The following NBEA variants were observed in gnomAD, a reference collection of about 807,000 sequenced individuals.
NBEA encodes the protein lysosomal-trafficking regulator 2.
NBEA carries 44 observed loss-of-function variants against 343.4 expected under a neutral mutation model. That is an observed-to-expected ratio of 0.13 (90% CI 0.10 to 0.16). NBEA has a LOEUF of 0.16. Ranked by LOEUF, NBEA falls within the 10% of genes least tolerant of loss-of-function variation. NBEA has a pLI of 1.00. For synonymous variants in NBEA, 1,175 were observed against 1,238.7 expected (o/e 0.95, Z 1.08); for missense variants, 2,555 against 3,631.3 (o/e 0.70, Z 7.62).
chr13:35,082,566 T>C (rs1042055731), intron 10 of NBEA, among the ~76,000 whole-genome samples: 1 of 152,078 alleles, frequency 6.6e-6, no homozygotes, highest in African/African-American at 2.4e-5. Flanking sequence ...TCTCCACATC[T>C]TCTGCAGCAC....
At chr13:35,258,152 A>G (rs1371898015) in intron 34 of NBEA, among the ~76,000 whole-genome samples, 23 of 150,632 alleles carry the variant, frequency 1.5e-4, no homozygotes, top group Admixed American at 1.5e-3. Context: ...TGGGATTGTT[A>G]GCCACACAGT....
intron 48 of NBEA, among the ~76,000 whole-genome samples, chr13:35,620,158 T>A (rs974383959): frequency 5.9e-5 from 9 of 152,034 alleles, no homozygotes; most frequent in Admixed American, 2.6e-4. Flanking sequence ...TTTGCAAGGA[T>A]CCCTGCCGTC....
At chr13:35,253,621 C>T (rs2032237573) in intron 34 of NBEA, among the ~76,000 whole-genome samples, 1 of 152,130 alleles carries the variant, frequency 6.6e-6, no homozygotes, top group Non-Finnish European at 1.5e-5. Context: ...CCAACTATGA[C>T]CTAGCAGTCA....
intron 41 of NBEA, among the ~76,000 whole-genome samples, chr13:35,539,942 A>AAAAAAAAAAAAAAAT (rs1566289232): frequency 2.0e-5 from 3 of 147,700 alleles, no homozygotes; most frequent in Non-Finnish European, 4.5e-5. Context: ...AAAAAAAAAA[A>AAAAAAAAAAAAAAAT]GTGCACTAGT....
Position 35,232,639 on chromosome 13 carries a change from A to G in NBEA, c.5776+20A>G. The G allele has an allele frequency of 6.9e-7, 1 of 1,442,338 alleles. No homozygotes were observed. Among genetic ancestry groups the G allele is most frequent in the Non-Finnish European group, 9.3e-7 (1 of 1,080,384 alleles). The allele number at this position is 1,442,338 out of a possible 1,614,324, so 89.3% of individuals were successfully genotyped here. ...TAGAAGGTATGATTTCTCTATTATA[A>G]TTATTTTAGTTTCCTATAATGTATG... On this transcript the variant is annotated intron_variant, in intron 34 of 58. Transcript: ENST00000379939.
intron 1 of NBEA, among the ~76,000 whole-genome samples, chr13:35,010,990 T>G (rs980580392): frequency 6.6e-6 from 1 of 151,300 alleles, no homozygotes; most frequent in Non-Finnish European, 1.5e-5. Context: ...GATTTTACTG[T>G]GTTTGCATGC....
intron 40 of NBEA, among the ~76,000 whole-genome samples, 189 bp from the exon 41 acceptor site, chr13:35,472,211 A>C (rs539196273): frequency 1.3e-5 from 2 of 152,078 alleles, no homozygotes; most frequent in Admixed American, 6.5e-5. Context: ...TTTTCTCTCT[A>C]GTCTCGTTAT....
chr13:35,233,190 A>G (rs1406785908), intron 34 of NBEA, among the ~76,000 whole-genome samples: 3 of 152,134 alleles, frequency 2.0e-5, no homozygotes, highest in Non-Finnish European at 4.4e-5. Context: ...CTTTTTAAAA[A>G]GTTTTGTTTT....
Position 35,110,826 on chromosome 13 carries a change from A to T in NBEA, c.1850A>T (p.Tyr617Phe), listed in dbSNP as rs767475626. 1.2e-6 allele frequency: 2 copies of T among 1,611,604 alleles called. No homozygotes were observed. Among genetic ancestry groups the T allele is most frequent in the South Asian group, 2.2e-5 (2 of 90,970 alleles). ...CTGTATTAGGTTCAGCTTTCCCTATACACATATTTGTCTGCTGAATTTATT... is the reference window on the plus strand; with the variant it reads ...CTGTATTAGGTTCAGCTTTCCCTATTCACATATTTGTCTGCTGAATTTATT... ...HTPAKVQLSL[Y>F]TYLSAEFIGT... Residue 617 changes from tyrosine to phenylalanine, a missense_variant, in exon 13 of 59, where the codon TAC becomes TTC. Physicochemically the swap from Tyr to Phe is conservative, Grantham distance 22 (BLOSUM62 3). Coordinates refer to ENST00000379939, the MANE Select transcript of NBEA (RefSeq NM_001385012.1).
At chr13:35,414,727 A>G (rs949045401) in intron 38 of NBEA, among the ~76,000 whole-genome samples, 2 of 152,236 alleles carry the variant, frequency 1.3e-5, no homozygotes, top group East Asian at 1.9e-4. Flanking sequence ...ATGATTTATA[A>G]TCCTTTGGGA....
intron 48 of NBEA, among the ~76,000 whole-genome samples, chr13:35,624,908 G>A (rs974755210): frequency 2.6e-5 from 4 of 152,066 alleles, no homozygotes; most frequent in African/African-American, 9.6e-5. Flanking sequence ...GTAAATAACG[G>A]CAGCTTTATG....
chr13:35,537,747 C>T (rs924209483), intron 41 of NBEA, among the ~76,000 whole-genome samples: 1 of 152,082 alleles, frequency 6.6e-6, no homozygotes, highest in Non-Finnish European at 1.5e-5. Flanking sequence ...GGCTCTGTGA[C>T]AGGAAACAAC....
At chr13:34,962,911 G>C (rs963423236) in intron 1 of NBEA, among the ~76,000 whole-genome samples, 1 of 151,990 alleles carries the variant, frequency 6.6e-6, no homozygotes, top group African/African-American at 2.4e-5. Context: ...TTTTAAACAG[G>C]ACTCTGAATT....
At chr13:35,600,180 A>G (rs1319061898) in intron 47 of NBEA, among the ~76,000 whole-genome samples, 1 of 152,204 alleles carries the variant, frequency 6.6e-6, no homozygotes, top group African/African-American at 2.4e-5. Context: ...TTGGCTATAC[A>G]TTGTTCTTTG....
intron 11 of NBEA, among the ~76,000 whole-genome samples, chr13:35,099,372 G>A (rs2065517611): frequency 6.6e-6 from 1 of 151,744 alleles, no homozygotes; most frequent in Non-Finnish European, 1.5e-5. Flanking sequence ...CTAATTTTTT[G>A]TATTTTTAGT....
chr13:35,557,011 C>T (rs561329498), intron 44 of NBEA, among the ~76,000 whole-genome samples: 1 of 151,946 alleles, frequency 6.6e-6, no homozygotes, highest in South Asian at 2.1e-4. Context: ...AAGACAGTAT[C>T]ATTAGACACC....
intron 38 of NBEA, among the ~76,000 whole-genome samples, chr13:35,427,430 G>A (rs1217384243): frequency 5.9e-5 from 9 of 152,212 alleles, no homozygotes; most frequent in South Asian, 4.1e-4. Flanking sequence ...TATCAGCAGC[G>A]GTGGCTGCAG....
chr13:35,445,806 A>G (rs866213467), intron 39 of NBEA, among the ~76,000 whole-genome samples: 1 of 136,578 alleles, frequency 7.3e-6, no homozygotes. Flanking sequence ...ATATATATAT[A>G]TATATATATA....
At chr13:35,482,207 T>A (rs1162929211) in intron 41 of NBEA, among the ~76,000 whole-genome samples, 6 of 151,728 alleles carry the variant, frequency 4.0e-5, no homozygotes, top group Admixed American at 3.9e-4. Context: ...TTTAAAAGGA[T>A]AATTACATAA....
Sources: allele counts gnomAD v4.1 joint callset (sites outside exome capture counted in the v4.1 genomes callset), GRCh38; gene constraint gnomAD v4.1.1; transcripts MANE v1.5; gene names NCBI Gene and HGNC (gene_info 2026-07-23, HGNC 2026-07-21).